The following ABTB2 variants were observed in gnomAD, a reference collection of about 807,000 sequenced individuals.
The protein encoded by ABTB2 is ankyrin repeat and BTB domain containing 2.
In ABTB2, 56 loss-of-function variants were observed where a neutral mutation model predicts 104.1. The ratio of observed to expected loss-of-function variants is 0.54; its 90% CI spans 0.43 to 0.67. The LOEUF (loss-of-function observed/expected upper bound fraction) is 0.67. ABTB2 is among the 30% of genes least tolerant of loss of function. The pLI, the probability that ABTB2 is intolerant of heterozygous loss-of-function variation, is 0.00. For missense variants in ABTB2, 1,279 were observed against 1,407.7 expected (o/e 0.91, Z 1.46); for synonymous variants, 606 against 608.2 (o/e 1.00, Z 0.05).
chr11:34,313,402 A>C (rs1854882603), intron 1 of ABTB2, among the ~76,000 whole-genome samples: 2 of 152,206 alleles, frequency 1.3e-5, no homozygotes, highest in African/African-American at 4.8e-5. Flanking sequence ...GCTCCTTACA[A>C]GCCACCTGGC....
intron 1 of ABTB2, among the ~76,000 whole-genome samples, chr11:34,295,323 G>C (rs919368516): frequency 2.0e-5 from 3 of 152,176 alleles, no homozygotes; most frequent in African/African-American, 7.2e-5. Flanking sequence ...TACAAGTTGG[G>C]GGTTGGCCAC....
chr11:34,160,998 G>A lies in ABTB2; in HGVS notation c.2302C>T (p.Leu768=). The A allele has an allele frequency of 1.9e-6, 3 of 1,613,796 alleles. No individual in the cohort carries two copies. Among genetic ancestry groups the A allele is most frequent in the East Asian group, 2.2e-5 (1 of 44,880 alleles). Residue 768 remains leucine (L), a synonymous_variant, in exon 11 of 17, where the codon CTG becomes TTG. Coordinates refer to ENST00000435224, the MANE Select transcript of ABTB2 (RefSeq NM_145804.3). ...TCTCTGATGGAGCTGAAGTCCCGCA[G>A]GAGGCTCTGCACCACCGAGTACCGC... ...QSRYSVVQSL[L]RDFSSIREEE...
intron 1 of ABTB2, among the ~76,000 whole-genome samples, chr11:34,248,036 G>C (rs1854005833): frequency 1.3e-5 from 2 of 149,568 alleles, no homozygotes; most frequent in African/African-American, 4.9e-5. Context: ...ATCCACTGTG[G>C]GAAAACCCAA....
At chr11:34,262,517 G>A (rs542072918) in intron 1 of ABTB2, among the ~76,000 whole-genome samples, 48 of 152,258 alleles carry the variant, frequency 3.2e-4, no homozygotes, top group Non-Finnish European at 2.9e-5. Context: ...AAATAGGGAT[G>A]CATAGCTAGG....
chr11:34,157,127 C>G (rs748969983), intron 14 of ABTB2, among the ~76,000 whole-genome samples: 2 of 152,182 alleles, frequency 1.3e-5, no homozygotes, highest in African/African-American at 2.4e-5. Context: ...GGAGCCCTGA[C>G]CCCAGACTGA....
intron 1 of ABTB2, among the ~76,000 whole-genome samples, chr11:34,340,193 C>T (rs772093443): frequency 1.2e-4 from 19 of 152,202 alleles, no homozygotes; most frequent in Non-Finnish European, 2.2e-4. Flanking sequence ...CCTTCTGGGT[C>T]GCTTTTTCTG....
intron 7 of ABTB2, 119 bp from the exon 8 acceptor site, chr11:34,165,475 G>A (rs2133010250): frequency 2.7e-6 from 2 of 728,072 alleles, no homozygotes; most frequent in Middle Eastern, 4.9e-4. Flanking sequence ...CCAAGACACA[G>A]TTCACCCCAG....
intron 2 of ABTB2, among the ~76,000 whole-genome samples, chr11:34,200,677 C>T (rs762972560): frequency 6.6e-6 from 1 of 152,166 alleles, no homozygotes; most frequent in Non-Finnish European, 1.5e-5. Flanking sequence ...TTTCCTTTAA[C>T]TTTTTCAGCC....
At chr11:34,182,724 ATCAGGGCCT>A (rs1853045959) in intron 3 of ABTB2, among the ~76,000 whole-genome samples, 2 of 152,064 alleles carry the variant, frequency 1.3e-5, no homozygotes, top group Non-Finnish European at 2.9e-5. Flanking sequence ...CCGTGTGACA[ATCAGGGCCT>A]TCAGGAGTAA....
At chr11:34,317,779 AT>A (rs1299225368) in intron 1 of ABTB2, among the ~76,000 whole-genome samples, 20 of 149,110 alleles carry the variant, frequency 1.3e-4, no homozygotes, top group Non-Finnish European at 2.8e-4. Context: ...AAAAAAAAAA[AT>A]TAATAACGGC....
chr11:34,303,683 G>A, intron 1 of ABTB2, among the ~76,000 whole-genome samples: 1 of 129,992 alleles, frequency 7.7e-6, no homozygotes, highest in South Asian at 2.6e-4. Context: ...CGCTCTGTAG[G>A]CCAGGCTGGA....
chr11:34,198,914 G>A (rs1368338700), intron 2 of ABTB2, among the ~76,000 whole-genome samples: 5 of 152,166 alleles, frequency 3.3e-5, no homozygotes, highest in Non-Finnish European at 7.3e-5. Flanking sequence ...AGGCGGGCAC[G>A]GCTAACCTTA....
intron 1 of ABTB2, among the ~76,000 whole-genome samples, chr11:34,306,481 A>C (rs1401417800): frequency 6.6e-6 from 1 of 152,032 alleles, no homozygotes; most frequent in Non-Finnish European, 1.5e-5. Context: ...TCCTGACCTC[A>C]GCTGATCTGC....
chr11:34,169,827 G>A (rs531415502), intron 5 of ABTB2, among the ~76,000 whole-genome samples: 23 of 151,674 alleles, frequency 1.5e-4, no homozygotes, highest in Admixed American at 2.6e-4. Context: ...TCTCTGCTCC[G>A]TCCCCATCCT....
intron 1 of ABTB2, among the ~76,000 whole-genome samples, chr11:34,210,661 A>T (rs1565142071): frequency 6.6e-6 from 1 of 152,176 alleles, no homozygotes. Flanking sequence ...TGCACCTGCC[A>T]CCAACGGCCC....
intron 2 of ABTB2, 121 bp downstream of exon 2, chr11:34,204,423 C>T (rs1416509738): frequency 3.2e-6 from 4 of 1,261,460 alleles, no homozygotes; most frequent in Middle Eastern, 2.0e-4. Context: ...AGGCAAGGCA[C>T]TTGGAGGAGG....
chr11:34,193,622 G>A (rs889900656), intron 3 of ABTB2, among the ~76,000 whole-genome samples: 1 of 152,244 alleles, frequency 6.6e-6, no homozygotes, highest in South Asian at 2.1e-4. Flanking sequence ...CAAACTTGCT[G>A]AAGTTCTTTG....
chr11:34,195,678 A>G (rs2133035230), intron 3 of ABTB2, among the ~76,000 whole-genome samples: 1 of 152,196 alleles, frequency 6.6e-6, no homozygotes, highest in South Asian at 2.1e-4. Flanking sequence ...GCCTCCACTT[A>G]CTCATCTGTA....
chr11:34,155,503 C>T (rs537002434), intron 14 of ABTB2, among the ~76,000 whole-genome samples: 1 of 152,332 alleles, frequency 6.6e-6, no homozygotes, highest in South Asian at 2.1e-4. Context: ...GTGAGGTTCC[C>T]AGTTGGAAAA....
Sources: allele counts gnomAD v4.1 joint callset (sites outside exome capture counted in the v4.1 genomes callset), GRCh38; gene constraint gnomAD v4.1.1; transcripts MANE v1.5; gene names NCBI Gene and HGNC (gene_info 2026-07-23, HGNC 2026-07-21).